Variants in ANKDD1A observed in about 807,000 individuals in gnomAD.
ANKDD1A encodes the protein ankyrin repeat and death domain-containing protein 1A.
Under a neutral mutation model 63.5 loss-of-function variants are expected in ANKDD1A, and 59 were observed. The observed-to-expected ratio is 0.93, with a 90% CI of 0.75 to 1.15. The LOEUF (loss-of-function observed/expected upper bound fraction) is 1.15, where lower values mean the gene tolerates loss of function less well. Ranked by LOEUF, ANKDD1A falls within the 50% of genes most tolerant of loss-of-function variation. The pLI is 0.00. For missense variants in ANKDD1A, 632 were observed against 656.4 expected, an observed-to-expected ratio of 0.96 and a Z score of 0.41; for synonymous variants, 266 against 263.9, an observed-to-expected ratio of 1.01 and a Z score of -0.08.
At chr15:64,931,702 G>C in intron 8 of ANKDD1A, 117 bp downstream of exon 8, 1 of 1,145,766 alleles carries the variant, frequency 8.7e-7, no homozygotes, top group Non-Finnish European at 1.3e-6. Flanking sequence ...CGAGGCAGCA[G>C]ACAAGGTTCT....
chr15:64,947,391 A>G lies in ANKDD1A; in HGVS notation c.1162-13A>G. 1 of 1,607,036 alleles carries G rather than the reference A, an allele frequency of 6.2e-7. No homozygotes were observed. Among genetic ancestry groups the G allele is most frequent in the South Asian group, 1.1e-5 (1 of 90,822 alleles). On this transcript the variant is annotated splice_polypyrimidine_tract_variant and intron_variant, in intron 12 of 14. Transcript: ENST00000319580. ...GAGGGAGAGCTTCTGCACTTTTGGG[A>G]TCTGCCCCACAGGACCACCCCAGTG...
intron 12 of ANKDD1A, among the ~76,000 whole-genome samples, chr15:64,945,472 C>T (rs2085214694): frequency 6.6e-6 from 1 of 151,334 alleles, no homozygotes; most frequent in South Asian, 2.1e-4. Context: ...ATATTCAGCA[C>T]TTTATTATAA....
chr15:64,927,283 G>T (rs923712785), intron 6 of ANKDD1A, among the ~76,000 whole-genome samples: 1 of 152,218 alleles, frequency 6.6e-6, no homozygotes, highest in Non-Finnish European at 1.5e-5. Context: ...ATCCGACGTG[G>T]CTGGCCAGGG....
rs1392073295 is a variant in ANKDD1A, at chr15:64,954,730, T to C, written c.1484-2373T>C. Among the ~76,000 whole-genome samples the C allele has an allele frequency of 5.2e-3, 235 of 44,866 alleles. 1 individual carries two copies. The highest frequency in any genetic ancestry group is 8.4e-3 in the African/African-American group (146 of 17,342). The allele number at this position is 44,866 out of a possible 152,430, so 29.4% of individuals were successfully genotyped here. ...TTCTTCTTCTCCTTCTCCTCCTCCT[T>C]CTTCTTCCTTCTCCTTCTTCTTTCT... On this transcript the variant is annotated intron_variant, in intron 14 of 14. Transcript: ENST00000319580.
chr15:64,952,266 CCTTCTT>C, intron 14 of ANKDD1A, among the ~76,000 whole-genome samples: 1 of 146,718 alleles, frequency 6.8e-6, no homozygotes, highest in South Asian at 2.2e-4. Flanking sequence ...TCTTCCTTCT[CCTTCTT>C]TTTCTTCTTC....
intron 14 of ANKDD1A, among the ~76,000 whole-genome samples, chr15:64,956,271 C>T (rs536449973): frequency 3.1e-4 from 47 of 149,582 alleles, no homozygotes; most frequent in South Asian, 8.5e-4. Flanking sequence ...TTAGCTTGGC[C>T]GGGCGCAGTG....
chr15:64,931,723 TCTC>T (rs1782729055), intron 8 of ANKDD1A, 138 bp downstream of exon 8: 3 of 906,670 alleles, frequency 3.3e-6, no homozygotes, highest in Non-Finnish European at 5.1e-6. Flanking sequence ...GATCTTGGCT[TCTC>T]CACTGCTGAG....
intron 14 of ANKDD1A, chr15:64,950,717 A>G: frequency 1.1e-6 from 1 of 884,494 alleles, no homozygotes; most frequent in Non-Finnish European, 1.3e-6. Flanking sequence ...TATTGAGGGA[A>G]AAGAAAGGAC....
At chr15:64,912,599 C>T (rs1172358011) in intron 1 of ANKDD1A, among the ~76,000 whole-genome samples, 1 of 152,240 alleles carries the variant, frequency 6.6e-6, no homozygotes, top group Non-Finnish European at 1.5e-5. Flanking sequence ...TCTGTGTGGG[C>T]ATCAGCTGGC....
intron 14 of ANKDD1A, among the ~76,000 whole-genome samples, chr15:64,953,754 TTCG>T (rs2085358431): frequency 1.6e-5 from 2 of 124,420 alleles, no homozygotes; most frequent in South Asian, 2.8e-4. Flanking sequence ...TCCTCTTTTC[TTCG>T]TTCTTCTTCC....
chr15:64,956,435 C>T (rs1378539208), intron 14 of ANKDD1A, among the ~76,000 whole-genome samples: 3 of 152,010 alleles, frequency 2.0e-5, no homozygotes, highest in Non-Finnish European at 2.9e-5. Flanking sequence ...TGTAGTCAGT[C>T]GCAGCTACCT....
chr15:64,915,962 CAG>C, intron 2 of ANKDD1A, 62 bp downstream of exon 2: 1 of 1,496,194 alleles, frequency 6.7e-7, no homozygotes, highest in Non-Finnish European at 9.2e-7. Context: ...TGCCAGTACA[CAG>C]GGGGAATAGT....
intron 12 of ANKDD1A, among the ~76,000 whole-genome samples, chr15:64,945,314 A>G (rs1478481089): frequency 6.6e-6 from 1 of 152,006 alleles, no homozygotes; most frequent in African/African-American, 2.4e-5. Context: ...GTTAATACAG[A>G]TGGTCCCCGA....
intron 14 of ANKDD1A, among the ~76,000 whole-genome samples, chr15:64,952,993 C>T (rs1371684910): frequency 9.0e-5 from 1 of 11,112 alleles, no homozygotes; most frequent in African/African-American, 1.3e-4. Flanking sequence ...TCCTTCTTCT[C>T]CTTCTTAGTT....
At chr15:64,922,260 G>A (rs2085013187) in intron 4 of ANKDD1A, 4 of 507,054 alleles carry the variant, frequency 7.9e-6, no homozygotes, top group East Asian at 3.4e-5. Context: ...CCCTCAGAGG[G>A]TAGTTAGAAA....
Position 64,957,702 on chromosome 15 carries a change from G to C in ANKDD1A, c.*514G>C, listed in dbSNP as rs1195942515. The stretch of plus-strand genomic sequence containing the variant: ...AAATTATTAACTACTTCCCAAAATA[G>C]TATTTCTCTCAGCAGATATTTCTTT... On this transcript the variant is annotated 3_prime_UTR_variant, in exon 15 of 15. Transcript: ENST00000319580. 5 of 152,120 alleles carry C rather than the reference G, an allele frequency of 3.3e-5. No homozygotes were observed. Among genetic ancestry groups the C allele is most frequent in the African/African-American group, 1.2e-4 (5 of 41,382 alleles). The allele number at this position is 152,120 out of a possible 1,614,324, so 9.4% of individuals were successfully genotyped here.
intron 9 of ANKDD1A, among the ~76,000 whole-genome samples, chr15:64,940,538 T>C (rs1775190048): frequency 6.6e-6 from 1 of 151,998 alleles, no homozygotes; most frequent in Admixed American, 6.6e-5. Context: ...GTTCACGCCA[T>C]TCTCCTGCCT....
At chr15:64,954,154 T>C (rs1171967803) in intron 14 of ANKDD1A, among the ~76,000 whole-genome samples, 1 of 101,938 alleles carries the variant, frequency 9.8e-6, no homozygotes, top group Non-Finnish European at 2.5e-5. Context: ...TTGTTCCTTA[T>C]TATTCTTTCT....
At chr15:64,920,606 C>T (rs1442888180) in intron 3 of ANKDD1A, among the ~76,000 whole-genome samples, 1 of 151,988 alleles carries the variant, frequency 6.6e-6, no homozygotes, top group Admixed American at 6.6e-5. Flanking sequence ...GGCTGGAGTG[C>T]AGTGGTGCAA....
Sources: gnomAD v4.1 joint callset for allele counts (sites outside exome capture counted in the v4.1 genomes callset) on GRCh38, gnomAD v4.1.1 for gene constraint, MANE v1.5 for transcripts, NCBI Gene and HGNC (gene_info 2026-07-23, HGNC 2026-07-21) for gene names.